Variants in RASGRF1 observed in about 807,000 individuals in gnomAD.
RASGRF1 encodes Ras protein specific guanine nucleotide releasing factor 1.
Under a neutral mutation model 138.7 loss-of-function variants are expected in RASGRF1, and 40 were observed. That is an observed-to-expected ratio of 0.29 (90% CI 0.22 to 0.38). The LOEUF is 0.38. RASGRF1 is among the 10% of genes least tolerant of loss of function. The pLI is 1.00. For missense variants in RASGRF1, 1,108 were observed against 1,650.4 expected (o/e 0.67, Z 5.69); for synonymous variants, 614 against 663.2 (o/e 0.93, Z 1.14).
intron 23 of RASGRF1, among the ~76,000 whole-genome samples, chr15:78,984,121 G>C: frequency 6.6e-6 from 1 of 152,104 alleles, no homozygotes; most frequent in East Asian, 1.9e-4. Context: ...ACAATGAGGG[G>C]GACACAGTAT....
intron 1 of RASGRF1, among the ~76,000 whole-genome samples, chr15:79,069,961 A>T (rs1191912391): frequency 6.6e-6 from 1 of 152,112 alleles, no homozygotes; most frequent in African/African-American, 2.4e-5. Context: ...TGCACCATTC[A>T]CCCAAATGGA....
chr15:79,003,188 C>T (rs973119543), intron 15 of RASGRF1, among the ~76,000 whole-genome samples: 3 of 152,234 alleles, frequency 2.0e-5, no homozygotes. Flanking sequence ...TCAGTCATTC[C>T]CATCCTGTTC....
rs568038925 is a variant in RASGRF1, at chr15:79,040,399, G to C, written c.879-5189C>G. 2.9e-3 allele frequency among the ~76,000 whole-genome samples: 436 copies of C among 152,260 alleles called. 2 individuals carry two copies. The highest frequency in any genetic ancestry group is 7.1e-3 in the Admixed American group (108 of 15,296). On this transcript the variant is annotated intron_variant, in intron 5 of 26. Coordinates refer to ENST00000558480, the MANE Select transcript of RASGRF1 (RefSeq NM_001145648.3). ...CCCTGGTCCACCCATTCTCTACATA[G>C]TGGATTCATCTCTTAAAAATTGAAT...
chr15:78,999,931 C>A lies in RASGRF1; in HGVS notation c.2576-18G>T. ...TGGGAACTCTGCAGAGAGGAGGGAA[C>A]CAACCCTCAGCTGTCCCCAGTCCCA... On this transcript the variant is annotated intron_variant, in intron 16 of 26. Transcript: ENST00000558480. 3 of 1,611,328 alleles carry A rather than the reference C, an allele frequency of 1.9e-6. No homozygotes were observed. The highest frequency in any genetic ancestry group is 2.5e-6 in the Non-Finnish European group (3 of 1,177,646).
rs370992832 is a variant in RASGRF1 at position 79,032,079 on chromosome 15, C to T, written c.1152+44G>A. 16 of 1,589,798 alleles carry T rather than the reference C, an allele frequency of 1.0e-5. No homozygotes were observed. In the African/African-American group the frequency reaches 1.2e-4, roughly 12 times the overall value. On this transcript the variant is annotated intron_variant, in intron 7 of 26. Coordinates refer to ENST00000558480, the MANE Select transcript of RASGRF1 (RefSeq NM_001145648.3). This position sits in a 1 kb window ranked among gnomAD's most constrained non-coding sequence, Gnocchi z 4.5. Reference sequence around the variant, plus strand: ...CACCGCCATGGTCCATCCCCCACACCTGCCTCCCTGACTCTACCCCACCCA... The same window carrying T: ...CACCGCCATGGTCCATCCCCCACACTTGCCTCCCTGACTCTACCCCACCCA...
chr15:79,048,275 T>C (rs948497756), intron 4 of RASGRF1, among the ~76,000 whole-genome samples: 3 of 152,012 alleles, frequency 2.0e-5, no homozygotes. Flanking sequence ...GGGGATGTCA[T>C]AAGGTGGCAC....
intron 6 of RASGRF1, among the ~76,000 whole-genome samples, chr15:79,033,423 G>C (rs2057170009): frequency 6.6e-6 from 1 of 151,422 alleles, no homozygotes; most frequent in South Asian, 2.1e-4. Context: ...TTGAATTTTT[G>C]TGTTTTTTGT....
chr15:78,992,091 C>T (rs1483847727), intron 20 of RASGRF1, among the ~76,000 whole-genome samples: 2 of 152,254 alleles, frequency 1.3e-5, no homozygotes, highest in African/African-American at 4.8e-5. Flanking sequence ...ACAATGGAGG[C>T]TTCCAGAGGT....
chr15:79,037,341 G>T (rs2141010458), intron 5 of RASGRF1, among the ~76,000 whole-genome samples: 1 of 152,064 alleles, frequency 6.6e-6, no homozygotes, highest in African/African-American at 2.4e-5. Flanking sequence ...GACTGGTTTT[G>T]TCAAAGACAA....
intron 3 of RASGRF1, among the ~76,000 whole-genome samples, chr15:79,056,465 G>A (rs2057512725): frequency 6.6e-6 from 1 of 152,140 alleles, no homozygotes; most frequent in African/African-American, 2.4e-5. Context: ...TAGCCCTGTG[G>A]GAAGAGGCTA....
At chr15:79,049,800 G>A (rs2057406370) in intron 3 of RASGRF1, among the ~76,000 whole-genome samples, 1 of 152,138 alleles carries the variant, frequency 6.6e-6, no homozygotes, top group Admixed American at 6.5e-5. Context: ...GCTGCACGGG[G>A]GATGGGTAGA....
In RASGRF1 at chr15:78,999,863, C is replaced by T; in HGVS notation, c.2626G>A (p.Glu876Lys). 1.9e-6 allele frequency: 3 copies of T among 1,614,200 alleles called. No homozygotes were observed. Among genetic ancestry groups the T allele is most frequent in the Non-Finnish European group, 2.5e-6 (3 of 1,180,012 alleles). The change falls in exon 17 of 27, where the codon GAA (glutamate) becomes AAA (lysine). Residue 876 changes from glutamate to lysine, a missense_variant. Glu to Lys is a moderately conservative substitution (Grantham distance 56). This residue lies in a region of RASGRF1 where 686 missense variants were observed against 976.7 expected (regional missense o/e 0.70). Coordinates refer to ENST00000558480, the MANE Select transcript of RASGRF1 (RefSeq NM_001145648.3). ...NNGVVMTSCRELDNNRSALSA... is the reference protein window; with the variant it reads ...NNGVVMTSCRKLDNNRSALSA... ...AAGGCACTGCGGTTATTGTCCAGTT[C>T]ACGACAGGAGGTCATGACGACTCCA... is the stretch of plus-strand genomic sequence containing the variant.
At chr15:79,044,189 A>G (rs1209331948) in intron 5 of RASGRF1, among the ~76,000 whole-genome samples, 1 of 152,212 alleles carries the variant, frequency 6.6e-6, no homozygotes, top group Non-Finnish European at 1.5e-5. Flanking sequence ...CCTGACCATG[A>G]CATTCTCTGC....
At chr15:79,010,305 C>T (rs1378706686) in intron 13 of RASGRF1, among the ~76,000 whole-genome samples, 3 of 152,110 alleles carry the variant, frequency 2.0e-5, no homozygotes, top group East Asian at 1.9e-4. Context: ...CCCAAAGTGC[C>T]GGGATTACAG....
chr15:78,976,074 G>A (rs1277773126), intron 24 of RASGRF1, among the ~76,000 whole-genome samples: 1 of 152,128 alleles, frequency 6.6e-6, no homozygotes, highest in Non-Finnish European at 1.5e-5. Flanking sequence ...ATGACCAAAG[G>A]ACTCAGAGTG....
At chr15:78,992,015 G>A (rs1228739065) in intron 20 of RASGRF1, among the ~76,000 whole-genome samples, 1 of 152,208 alleles carries the variant, frequency 6.6e-6, no homozygotes, top group Non-Finnish European at 1.5e-5. Context: ...TTGTGCCGGT[G>A]TGTGCAGCCC....
chr15:79,024,866 G>GAC (rs929863766), intron 10 of RASGRF1, among the ~76,000 whole-genome samples: 1 of 150,046 alleles, frequency 6.7e-6, no homozygotes, highest in Non-Finnish European at 1.5e-5. Context: ...AACACATACA[G>GAC]ACACACACAC....
chr15:79,082,103 T>C (rs2057921432), intron 1 of RASGRF1, among the ~76,000 whole-genome samples: 1 of 152,122 alleles, frequency 6.6e-6, no homozygotes, highest in Non-Finnish European at 1.5e-5. Flanking sequence ...GATGATCAGA[T>C]TTGCATTTTA....
intron 24 of RASGRF1, among the ~76,000 whole-genome samples, chr15:78,979,700 G>A (rs776802308): frequency 3.3e-5 from 5 of 152,208 alleles, no homozygotes; most frequent in Admixed American, 6.5e-5. Flanking sequence ...GGGAGAGCTC[G>A]TCTGGAGCCC....
Sources: allele counts gnomAD v4.1 joint callset (sites outside exome capture counted in the v4.1 genomes callset), GRCh38; gene constraint gnomAD v4.1.1; regional missense constraint gnomAD v4.1.1; non-coding constraint Gnocchi (gnomAD v3.1); transcripts MANE v1.5; gene names NCBI Gene and HGNC (gene_info 2026-07-23, HGNC 2026-07-21).